The following MOCS2 variants were observed in gnomAD, a reference collection of about 807,000 sequenced individuals.
The protein encoded by MOCS2 is molybdopterin synthase catalytic subunit.
In MOCS2, 13 loss-of-function variants were observed where a neutral mutation model predicts 21.9. The observed-to-expected ratio is 0.59, with a 90% CI of 0.39 to 0.94. MOCS2 has a LOEUF of 0.94. Ranked by LOEUF, MOCS2 falls within the 40% of genes least tolerant of loss-of-function variation. The probability of loss-of-function intolerance (pLI) is 0.00; values close to 1 mark genes in which losing one functional copy is unlikely to be tolerated. For missense variants in MOCS2, 227 were observed against 218.3 expected (o/e 1.04, Z -0.25); for synonymous variants, 92 against 80.8 (o/e 1.14, Z -0.74).
In MOCS2 at chr5:53,100,691, T is replaced by C. The variant is rs1482565806; in HGVS notation, c.378-157A>G. ...CATACAGTTAGAAAAGAGTAATTAA[T>C]TGCAGTAGCATTCAGCAGAGGCAGT... On this transcript the variant is annotated intron_variant, in intron 5 of 6. Coordinates refer to ENST00000396954, the MANE Select transcript of MOCS2 (RefSeq NM_004531.5). 9.4e-6 allele frequency: 7 copies of C among 747,446 alleles called. No homozygotes were observed. In the African/African-American group the frequency reaches 1.1e-4, roughly 11 times the overall value. 46.3% of individuals were successfully genotyped at this position (747,446 alleles called of 1,614,324 possible).
Position 53,107,076 on chromosome 5 carries a change from C to A in MOCS2, c.98+1G>T, listed in dbSNP as rs575714567. 1.9e-6 allele frequency: 3 copies of A among 1,614,066 alleles called. No individual in the cohort carries two copies. The highest frequency in any genetic ancestry group is 2.2e-5 in the East Asian group (1 of 44,868). On this transcript the variant is annotated splice_donor_variant, in intron 3 of 6. Transcript: ENST00000396954. LOFTEE classifies it high-confidence loss of function. ...GATTAAGAAAAACAAATCTCACATA[C>A]CTAGATGGCTCAAAAGCACTATCCT...
rs1273139451 is a variant in MOCS2 at position 53,109,727 on chromosome 5, C to T, written c.-646G>A. 2.6e-6 allele frequency: 4 copies of T among 1,551,286 alleles called. No individual in the cohort carries two copies. The highest frequency in any genetic ancestry group is 1.7e-4 in the Middle Eastern group (1 of 5,722). On this transcript the variant is annotated 5_prime_UTR_variant, in exon 1 of 7. The change abolishes an upstream ATG in the 5' untranslated region. Coordinates refer to ENST00000396954, the MANE Select transcript of MOCS2 (RefSeq NM_004531.5). ...CCACCCTTACCTGGCACAGCGGCAC[C>T]ATCCCGCCTAGGACAGCGGGACCGA... is the stretch of plus-strand genomic sequence containing the variant.
chr5:53,107,202 G>A lies in MOCS2; in HGVS notation c.-28C>T, dbSNP rs761530438. ...TCTTGACGAACAGCAAATATTATCTGATTTCTAACATCAGCCAATCTAAAG... is the reference window on the plus strand; with the variant it reads ...TCTTGACGAACAGCAAATATTATCTAATTTCTAACATCAGCCAATCTAAAG... On this transcript the variant is annotated 5_prime_UTR_variant, in exon 3 of 7. Coordinates refer to ENST00000396954, the MANE Select transcript of MOCS2 (RefSeq NM_004531.5). 1.2e-6 allele frequency: 2 copies of A among 1,613,752 alleles called. No individual in the cohort carries two copies. Among genetic ancestry groups the A allele is most frequent in the Non-Finnish European group, 1.7e-6 (2 of 1,179,888 alleles).
Position 53,108,615 on chromosome 5 carries a change from G to A in MOCS2, c.-141C>T. On this transcript the variant is annotated 5_prime_UTR_variant, in exon 2 of 7. Coordinates refer to ENST00000396954, the MANE Select transcript of MOCS2 (RefSeq NM_004531.5). The stretch of plus-strand genomic sequence containing the variant: ...CTCTGAACGAACTCCTGTTATTTCA[G>A]CACTTTTTGCAAAATACAATACTTC... 1 of 1,613,398 alleles carries A rather than the reference G, an allele frequency of 6.2e-7. No homozygotes were observed. The highest frequency in any genetic ancestry group is 8.5e-7 in the Non-Finnish European group (1 of 1,179,630).
At position 53,098,662 on chromosome 5, in the gene MOCS2, T is replaced by C. The variant is rs1040253480; in HGVS notation, c.507A>G (p.Ile169Met). The C allele has an allele frequency of 6.2e-7, 1 of 1,613,148 alleles. No homozygotes were observed. Among genetic ancestry groups the C allele is most frequent in the Non-Finnish European group, 8.5e-7 (1 of 1,179,210 alleles). ...CTTTCCAAGTTGATGACTCTTCGTA[T>C]ATTTCCTAAAAAACAAAATCATAAC... Reference protein sequence around the residue: ...KAKVPIWKKEIYEESSTWKGN... With the variant: ...KAKVPIWKKEMYEESSTWKGN... The change falls in exon 7 of 7, where the codon ATA becomes ATG. Residue 169 changes from isoleucine (I) to methionine (M), a missense_variant. Ile to Met is a conservative substitution (Grantham distance 10). Coordinates refer to ENST00000396954, the MANE Select transcript of MOCS2 (RefSeq NM_004531.5).
chr5:53,103,549 CT>C lies in MOCS2; in HGVS notation c.99-1326del, dbSNP rs68043036. Among the ~76,000 whole-genome samples, 550 of 152,264 alleles carry C rather than the reference CT, an allele frequency of 3.6e-3. 2 individuals are homozygous for C. The highest frequency in any genetic ancestry group is 0.013 in the African/African-American group (527 of 41,544). ...TACTTACTAGGTATTGTGCAAAGCC[CT>C]TTGCCATGCATTTCTCATTTAATTC... On this transcript the variant is annotated intron_variant, in intron 3 of 6. Coordinates refer to ENST00000396954, the MANE Select transcript of MOCS2 (RefSeq NM_004531.5).
chr5:53,109,557 G>GGGCGGGGGCGGGGGC lies in MOCS2; in HGVS notation c.-477_-476insGCCCCCGCCCCCGCC. On this transcript the variant is annotated 5_prime_UTR_variant, in exon 1 of 7. Coordinates refer to ENST00000396954, the MANE Select transcript of MOCS2 (RefSeq NM_004531.5). ...GGAGACAGGAAGGGCCCGGGGGCGG[G>GGGCGGGGGCGGGGGC]GGCGGGGGCGCCCCCGAACCCAAGA... is the stretch of plus-strand genomic sequence containing the variant. 1 of 1,407,022 alleles carries GGGCGGGGGCGGGGGC rather than the reference G, an allele frequency of 7.1e-7. No homozygotes were observed. Among genetic ancestry groups the GGGCGGGGGCGGGGGC allele is most frequent in the Non-Finnish European group, 9.3e-7 (1 of 1,081,030 alleles). 87.2% of individuals were successfully genotyped at this position (1,407,022 alleles called of 1,614,324 possible).
At chr5:53,102,682 C>G (rs1740947317) in intron 3 of MOCS2, among the ~76,000 whole-genome samples, 1 of 151,180 alleles carries the variant, frequency 6.6e-6, no homozygotes. Context: ...ACCAGTGGCT[C>G]ACACCTGTAA....
intron 3 of MOCS2, among the ~76,000 whole-genome samples, chr5:53,105,551 T>C (rs1741028193): frequency 1.3e-5 from 2 of 152,302 alleles, no homozygotes; most frequent in Admixed American, 1.3e-4. Context: ...GGCCCTTTCC[T>C]TATACCATAT....
At chr5:53,105,292 A>C (rs919039153) in intron 3 of MOCS2, among the ~76,000 whole-genome samples, 6 of 152,170 alleles carry the variant, frequency 3.9e-5, no homozygotes, top group Non-Finnish European at 8.8e-5. Context: ...AAAAGAACAA[A>C]GCTGGAGGCA....
At chr5:53,100,025 C>A (rs1482828267) in intron 6 of MOCS2, among the ~76,000 whole-genome samples, 3 of 151,990 alleles carry the variant, frequency 2.0e-5, no homozygotes, top group African/African-American at 7.3e-5. Flanking sequence ...CTAAAAAGGA[C>A]CTCTAGGAAA....
chr5:53,099,586 CATG>C (rs1485916283), intron 6 of MOCS2, among the ~76,000 whole-genome samples: 2 of 152,208 alleles, frequency 1.3e-5, no homozygotes, highest in Non-Finnish European at 2.9e-5. Context: ...ATTCTGAAAA[CATG>C]GTCATCAAAT....
Position 53,098,337 on chromosome 5 carries a change from A to G in MOCS2, c.*265T>C. 2.1e-6 allele frequency: 1 copy of G among 483,438 alleles called. No homozygotes were observed. The allele number at this position is 483,438 out of a possible 1,614,324, so 29.9% of individuals were successfully genotyped here. ...GTTACAATTAGAAATTAGTCATGGA[A>G]GGACATGTCTACCACAGATATCTTT... On this transcript the variant is annotated 3_prime_UTR_variant, in exon 7 of 7. Coordinates refer to ENST00000396954, the MANE Select transcript of MOCS2 (RefSeq NM_004531.5).
intron 3 of MOCS2, among the ~76,000 whole-genome samples, chr5:53,105,291 A>ATGT (rs1741021040): frequency 1.3e-5 from 2 of 152,170 alleles, no homozygotes; most frequent in African/African-American, 4.8e-5. Flanking sequence ...AAAAAGAACA[A>ATGT]AGCTGGAGGC....
intron 3 of MOCS2, among the ~76,000 whole-genome samples, chr5:53,104,189 A>G (rs1310913509): frequency 6.6e-6 from 1 of 152,082 alleles, no homozygotes; most frequent in Admixed American, 6.6e-5. Flanking sequence ...ATACCACTGG[A>G]TTCCAGGATT....
chr5:53,107,338 A>G, intron 2 of MOCS2, 117 bp from the exon 3 acceptor site: 4 of 970,726 alleles, frequency 4.1e-6, no homozygotes, highest in East Asian at 2.6e-5. Context: ...CTGCAAAATT[A>G]CCAATTAAAT....
rs1561171056 is a variant in MOCS2, at chr5:53,097,029, C to A, written c.*1573G>T. 6.6e-6 allele frequency: 1 copy of A among 152,266 alleles called. No individual in the cohort carries two copies. The highest frequency in any genetic ancestry group is 1.5e-5 in the Non-Finnish European group (1 of 68,098). The allele number at this position is 152,266 out of a possible 1,614,324, so 9.4% of individuals were successfully genotyped here. ...TTTAGATATAATGCAACAGCCAACA[C>A]CCACCCCTTCTCTCCAATGGGGACA... is the stretch of plus-strand genomic sequence containing the variant. On this transcript the variant is annotated 3_prime_UTR_variant, in exon 7 of 7. Coordinates refer to ENST00000396954, the MANE Select transcript of MOCS2 (RefSeq NM_004531.5).
chr5:53,098,033 T>C lies in MOCS2; in HGVS notation c.*569A>G, dbSNP rs913302695. 5.2e-5 allele frequency: 8 copies of C among 152,514 alleles called. No individual in the cohort carries two copies. Among genetic ancestry groups the C allele is most frequent in the Admixed American group, 4.6e-4 (7 of 15,318 alleles). The allele number at this position is 152,514 out of a possible 1,614,324, so 9.4% of individuals were successfully genotyped here. A position where few individuals can be genotyped will look rare whatever the true frequency, so the allele number is the denominator to read the frequency against. On this transcript the variant is annotated 3_prime_UTR_variant, in exon 7 of 7. Transcript: ENST00000396954. ...GAAATCTCCATAATGAGAACTATTT[T>C]AGGCAATTTAAAAAAAAAGAAAATA...
Position 53,098,333 on chromosome 5 carries a change from T to C in MOCS2, c.*269A>G. ...TTGAGTTACAATTAGAAATTAGTCA[T>C]GGAAGGACATGTCTACCACAGATAT... is the stretch of plus-strand genomic sequence containing the variant. On this transcript the variant is annotated 3_prime_UTR_variant, in exon 7 of 7. Coordinates refer to ENST00000396954, the MANE Select transcript of MOCS2 (RefSeq NM_004531.5). The C allele has an allele frequency of 8.4e-6, 4 of 476,200 alleles. No individual in the cohort carries two copies. Among genetic ancestry groups the C allele is most frequent in the Non-Finnish European group, 1.1e-5 (3 of 262,942 alleles). The allele number at this position is 476,200 out of a possible 1,614,324, so 29.5% of individuals were successfully genotyped here.
Sources: allele counts gnomAD v4.1 joint callset (sites outside exome capture counted in the v4.1 genomes callset), GRCh38; gene constraint gnomAD v4.1.1; transcripts MANE v1.5; gene names NCBI Gene and HGNC (gene_info 2026-07-23, HGNC 2026-07-21).